ZNF680: variants seen among roughly 807,000 people sequenced by gnomAD.
The protein encoded by ZNF680 is zinc finger protein 680.
Under a neutral mutation model 12.1 loss-of-function variants are expected in ZNF680, and 6 were observed. That is an observed-to-expected ratio of 0.49 (90% CI 0.27 to 0.98). The LOEUF (loss-of-function observed/expected upper bound fraction) is 0.98, where lower values mean the gene tolerates loss of function less well. Ranked by LOEUF, ZNF680 falls within the 50% of genes least tolerant of loss-of-function variation. The pLI, the probability that ZNF680 is intolerant of heterozygous loss-of-function variation, is 0.12. For synonymous variants in ZNF680, 170 were observed against 199.3 expected (o/e 0.85, Z 1.24); for missense variants, 561 against 616.3 (o/e 0.91, Z 0.95).
At position 64,561,726 on chromosome 7, in the gene ZNF680, AG is replaced by A. The variant is rs1480183175; in HGVS notation, c.30+1198del. Among the ~76,000 whole-genome samples the A allele has an allele frequency of 4.6e-5, 7 of 151,764 alleles. No individual in the cohort carries two copies. The East Asian group carries it at 1.4e-3, about 30-fold the overall frequency. On this transcript the variant is annotated intron_variant, in intron 1 of 3. Coordinates refer to ENST00000309683, the MANE Select transcript of ZNF680 (RefSeq NM_178558.5). ...GAGGCGGGTGGATTACGAGGTCAGG[AG>A]ATCAAGACCATCCTGGCTAACTTGG...
the ZNF680 span, among the ~76,000 whole-genome samples, chr7:64,506,390 G>A: frequency 5.1e-4 from 78 of 152,070 alleles, no homozygotes; most frequent in South Asian, 2.9e-3. Flanking sequence ...GGGTTTCACC[G>A]TGTTAGCCAG....
the ZNF680 span, among the ~76,000 whole-genome samples, chr7:64,511,222 A>G: frequency 6.6e-6 from 1 of 152,020 alleles, no homozygotes; most frequent in Non-Finnish European, 1.5e-5. Flanking sequence ...GTGAGCCAAG[A>G]TTGGGCCACT....
Position 64,522,247 on chromosome 7 carries a change from T to A in ZNF680, c.507A>T (p.Ser169=). ...YVKVFHKFSN[S]NSHKKRNTGK... is the part of the protein sequence containing the mutation. ...CAGTATTTCTTTTCTTATGACTGTT[T>A]GAATTTGAAAATTTATGAAAGACTT... Residue 169 remains serine (S), a synonymous_variant, in exon 4 of 4, where the codon TCA becomes TCT. Coordinates refer to ENST00000309683, the MANE Select transcript of ZNF680 (RefSeq NM_178558.5). 1 of 1,612,806 alleles carries A rather than the reference T, an allele frequency of 6.2e-7. No homozygotes were observed. Among genetic ancestry groups the A allele is most frequent in the Non-Finnish European group, 8.5e-7 (1 of 1,179,284 alleles).
intron 3 of ZNF680, among the ~76,000 whole-genome samples, chr7:64,541,924 A>G (rs1222340138): frequency 6.6e-6 from 1 of 152,178 alleles, no homozygotes; most frequent in Non-Finnish European, 1.5e-5. Context: ...CTGCCTATAA[A>G]GGAACCCACA....
intron 1 of ZNF680, chr7:64,561,390 T>C (rs1787725181): frequency 1.3e-5 from 2 of 152,280 alleles, no homozygotes; most frequent in African/African-American, 4.8e-5. Flanking sequence ...AGGAAAAATC[T>C]GAAGGGTAGC....
intron 1 of ZNF680, among the ~76,000 whole-genome samples, chr7:64,547,591 G>A (rs898582621): frequency 5.9e-5 from 9 of 152,034 alleles, no homozygotes; most frequent in African/African-American, 1.5e-4. Flanking sequence ...AGGATAAAGA[G>A]CCCAGGATTT....
the ZNF680 span, among the ~76,000 whole-genome samples, chr7:64,514,850 C>T: frequency 3.7e-4 from 57 of 152,280 alleles, no homozygotes; most frequent in African/African-American, 1.2e-3. Flanking sequence ...TCAAGACCAT[C>T]CTGACCAACA....
chr7:64,540,286 C>A (rs1786428930), intron 3 of ZNF680, among the ~76,000 whole-genome samples: 1 of 147,218 alleles, frequency 6.8e-6, no homozygotes, highest in Non-Finnish European at 1.5e-5. Flanking sequence ...TTGTGATAGA[C>A]ATATGGCTGA....
chr7:64,560,584 G>A (rs1461222501), intron 1 of ZNF680, among the ~76,000 whole-genome samples: 1 of 152,116 alleles, frequency 6.6e-6, no homozygotes, highest in East Asian at 1.9e-4. Flanking sequence ...GGCCAAGGCG[G>A]GTGGATCACC....
At chr7:64,514,331 C>T in the ZNF680 span, among the ~76,000 whole-genome samples, 1 of 152,266 alleles carries the variant, frequency 6.6e-6, no homozygotes, top group Non-Finnish European at 1.5e-5. Flanking sequence ...TAAATGTGCA[C>T]CATCAATCAC....
intron 3 of ZNF680, among the ~76,000 whole-genome samples, chr7:64,528,696 G>C (rs1301045370): frequency 6.6e-6 from 1 of 152,056 alleles, no homozygotes; most frequent in Non-Finnish European, 1.5e-5. Flanking sequence ...TCTGAGTTCA[G>C]ACACACCTAG....
At chr7:64,501,702 C>A in the ZNF680 span, 2 of 1,060,500 alleles carry the variant, frequency 1.9e-6, no homozygotes, top group South Asian at 1.2e-5. Flanking sequence ...ATGACAGAGA[C>A]AGCGCCAATG....
chr7:64,508,249 T>A, the ZNF680 span, among the ~76,000 whole-genome samples: 1 of 150,514 alleles, frequency 6.6e-6, no homozygotes, highest in East Asian at 2.0e-4. Context: ...GGTTCAAGCA[T>A]GAATATGTAT....
rs1445533823 is a variant in ZNF680, at chr7:64,521,375, T to A, written c.1379A>T (p.Lys460Ile). The change falls in exon 4 of 4, where the codon AAA becomes ATA. Residue 460 changes from lysine (K) to isoleucine (I), a missense_variant. Lys to Ile is a moderately radical substitution (Grantham distance 102, BLOSUM62 -3). Transcript: ENST00000309683. Reference sequence around the variant, plus strand: ...GCCACATTCATCACATTTGTAGGATTTCTCTCCAGTATGAATTACTTTATG... The same window carrying A: ...GCCACATTCATCACATTTGTAGGATATCTCTCCAGTATGAATTACTTTATG... Reference protein sequence around the residue: ...TNHKVIHTGEKSYKCDECGNV... With the variant: ...TNHKVIHTGEISYKCDECGNV... 6.2e-7 allele frequency: 1 copy of A among 1,613,696 alleles called. No individual in the cohort carries two copies. Among genetic ancestry groups the A allele is most frequent in the South Asian group, 1.1e-5 (1 of 91,052 alleles).
At chr7:64,518,297 T>C (rs957520307), downstream of ZNF680, among the ~76,000 whole-genome samples, 5 of 151,878 alleles carry the variant, frequency 3.3e-5, no homozygotes, top group Admixed American at 1.3e-4. Flanking sequence ...GGGTTGAGAA[T>C]TAAATCAAGA....
At chr7:64,506,134 G>A in the ZNF680 span, among the ~76,000 whole-genome samples, 1 of 151,704 alleles carries the variant, frequency 6.6e-6, no homozygotes, top group Admixed American at 6.6e-5. Context: ...TTGGAATCTT[G>A]AGGATCATGT....
rs536460147 is a variant in ZNF680, at chr7:64,551,697, TCA to T, written c.31-7267_31-7266del. 4.4e-3 allele frequency: 683 copies of T among 154,198 alleles called. 6 individuals carry two copies. The highest frequency in any genetic ancestry group is 0.016 in the African/African-American group (647 of 41,596). The allele number at this position is 154,198 out of a possible 1,614,324, so 9.6% of individuals were successfully genotyped here. A position where few individuals can be genotyped will look rare whatever the true frequency, so the allele number is the denominator to read the frequency against. ...GTTCCATTGTGACAGCCCACCTCAT[TCA>T]CAGACACTGTGAAATGCTAAAATGG... On this transcript the variant is annotated intron_variant, in intron 1 of 3. Coordinates refer to ENST00000309683, the MANE Select transcript of ZNF680 (RefSeq NM_178558.5).
intron 3 of ZNF680, among the ~76,000 whole-genome samples, chr7:64,527,404 TA>T (rs1791921539): frequency 6.6e-6 from 1 of 151,592 alleles, no homozygotes; most frequent in African/African-American, 2.4e-5. Flanking sequence ...AACTAATTAA[TA>T]AAAAAAGGTG....
In ZNF680 at chr7:64,550,351, G is replaced by C. The variant is rs368602322; in HGVS notation, c.31-5919C>G. On this transcript the variant is annotated intron_variant, in intron 1 of 3. Coordinates refer to ENST00000309683, the MANE Select transcript of ZNF680 (RefSeq NM_178558.5). ...ATCAATAGCTAAAAGAAGGAAGAAA[G>C]ACATAACTGTGGTCTCATTTTAATG... Among the ~76,000 whole-genome samples the C allele has an allele frequency of 2.2e-4, 34 of 152,296 alleles. 1 individual carries two copies. The East Asian group carries it at 4.4e-3, about 20-fold the overall frequency.
Sources: allele counts gnomAD v4.1 joint callset (sites outside exome capture counted in the v4.1 genomes callset), GRCh38; gene constraint gnomAD v4.1.1; transcripts MANE v1.5; gene names NCBI Gene and HGNC (gene_info 2026-07-23, HGNC 2026-07-21).